The following FLRT1 variants were observed in gnomAD, a reference collection of about 807,000 sequenced individuals.
The protein encoded by FLRT1 is fibronectin leucine rich transmembrane protein 1.
In FLRT1, 14 loss-of-function variants were observed where a neutral mutation model predicts 30.9. That is an observed-to-expected ratio of 0.45 (90% CI 0.30 to 0.71). The LOEUF (loss-of-function observed/expected upper bound fraction) is 0.71, where lower values mean the gene tolerates loss of function less well. Among genes scored for constraint, FLRT1 ranks in the 30% least tolerant of loss-of-function variants. The pLI is 0.08. For synonymous variants in FLRT1, 368 were observed against 430.4 expected (o/e 0.85, Z 1.80); for missense variants, 737 against 949.2 (o/e 0.78, Z 2.94).
intron 1 of FLRT1, among the ~76,000 whole-genome samples, chr11:64,091,514 G>A (rs1414069142): frequency 6.6e-6 from 1 of 151,978 alleles, no homozygotes; most frequent in Non-Finnish European, 1.5e-5. Flanking sequence ...TGGGGTTGGT[G>A]GGTTACAACA....
At chr11:64,043,028 G>A (rs528339109) in intron 1 of FLRT1, among the ~76,000 whole-genome samples, 1 of 152,352 alleles carries the variant, frequency 6.6e-6, no homozygotes, top group South Asian at 2.1e-4. Flanking sequence ...AAGCTCTGGA[G>A]TCGATGAACT....
chr11:64,036,751 G>C lies in FLRT1; in HGVS notation c.-1038+592G>C, dbSNP rs1252499806. ...CAGCCCTGAGCCGGGCGGGGGCTGG[G>C]GCCGTACACCTGGCGGCTGGAACGG... On this transcript the variant is annotated intron_variant, in intron 1 of 2. Transcript: ENST00000682287. This position sits in a 1 kb window ranked among gnomAD's most constrained non-coding sequence, Gnocchi z 5.6. 6.6e-6 allele frequency among the ~76,000 whole-genome samples: 1 copy of C among 152,232 alleles called. No homozygotes were observed. The highest frequency in any genetic ancestry group is 1.5e-5 in the Non-Finnish European group (1 of 68,038).
intron 1 of FLRT1, among the ~76,000 whole-genome samples, chr11:64,076,108 C>G (rs949608132): frequency 6.6e-6 from 1 of 152,230 alleles, no homozygotes; most frequent in Non-Finnish European, 1.5e-5. Context: ...CTCCCTCAAG[C>G]ACAGGCTGGC....
intron 1 of FLRT1, among the ~76,000 whole-genome samples, chr11:64,083,984 A>T (rs1944348523): frequency 7.1e-6 from 1 of 140,420 alleles, no homozygotes; most frequent in Non-Finnish European, 1.6e-5. Flanking sequence ...TCATTTACAC[A>T]ACTGGAACAC....
intron 1 of FLRT1, among the ~76,000 whole-genome samples, chr11:64,059,349 C>T (rs746230799): frequency 1.4e-4 from 21 of 152,274 alleles, no homozygotes; most frequent in Non-Finnish European, 2.6e-4. Flanking sequence ...GGAGGCGTTG[C>T]GGGCTTATCC....
intron 1 of FLRT1, among the ~76,000 whole-genome samples, chr11:64,074,562 T>C (rs939013745): frequency 5.9e-5 from 9 of 152,206 alleles, no homozygotes; most frequent in African/African-American, 1.7e-4. Context: ...GCAATTCCGA[T>C]GTCACCTCCA....
At chr11:64,042,875 G>T (rs1280620121) in intron 1 of FLRT1, among the ~76,000 whole-genome samples, 1 of 152,196 alleles carries the variant, frequency 6.6e-6, no homozygotes, top group Admixed American at 6.5e-5. Flanking sequence ...AGTTTCCAGG[G>T]GCTTCTGGCT....
intron 1 of FLRT1, among the ~76,000 whole-genome samples, chr11:64,038,386 G>C (rs1943423447): frequency 6.6e-6 from 1 of 152,240 alleles, no homozygotes; most frequent in African/African-American, 2.4e-5. Context: ...TGTGGGTGCA[G>C]GGAAGGGCAG....
chr11:64,072,089 C>A (rs746282068), intron 1 of FLRT1, among the ~76,000 whole-genome samples: 8 of 152,250 alleles, frequency 5.3e-5, no homozygotes, highest in Non-Finnish European at 8.8e-5. Context: ...CGAATCGAAT[C>A]GACTGCTGAA....
chr11:64,080,971 G>A (rs1944292225), intron 1 of FLRT1, among the ~76,000 whole-genome samples: 1 of 152,176 alleles, frequency 6.6e-6, no homozygotes, highest in Non-Finnish European at 1.5e-5. Flanking sequence ...TGACATTGTT[G>A]AAGTCTGTTT....
chr11:64,096,159 C>T lies in FLRT1; in HGVS notation c.-1037-7035C>T, dbSNP rs561006998. On this transcript the variant is annotated intron_variant, in intron 1 of 2. Coordinates refer to ENST00000682287, the MANE Select transcript of FLRT1 (RefSeq NM_013280.5). This position sits in a 1 kb window ranked among gnomAD's most constrained non-coding sequence, Gnocchi z 4.6. ...AGGCCAGGAGGGGACCAGGGCTGCC[C>T]GCCGGCTCCACCACCTGCCTTGGCC... Among the ~76,000 whole-genome samples, 26 of 152,386 alleles carry T rather than the reference C, an allele frequency of 1.7e-4. No homozygotes were observed. In the South Asian group the frequency reaches 5.0e-3, roughly 29 times the overall value.
At chr11:64,088,363 T>C (rs973505317) in intron 1 of FLRT1, among the ~76,000 whole-genome samples, 1 of 151,712 alleles carries the variant, frequency 6.6e-6, no homozygotes, top group African/African-American at 2.4e-5. Context: ...AGTGGGGCCT[T>C]GGGCGTGACT....
Position 64,036,705 on chromosome 11 carries a change from C to T in FLRT1, c.-1038+546C>T, listed in dbSNP as rs919502992. ...GCATGAGCAGCCTCCAACTTCCCTC[C>T]CTGTGCGCGCTGTGGACCGTCAGCC... On this transcript the variant is annotated intron_variant, in intron 1 of 2. Coordinates refer to ENST00000682287, the MANE Select transcript of FLRT1 (RefSeq NM_013280.5). This position sits in a 1 kb window ranked among gnomAD's most constrained non-coding sequence, Gnocchi z 5.6. Among the ~76,000 whole-genome samples, 3 of 152,132 alleles carry T rather than the reference C, an allele frequency of 2.0e-5. No homozygotes were observed. The highest frequency in any genetic ancestry group is 4.4e-5 in the Non-Finnish European group (3 of 68,014).
At position 64,096,005 on chromosome 11, in the gene FLRT1, G is replaced by A. The variant is rs997115675; in HGVS notation, c.-1037-7189G>A. Among the ~76,000 whole-genome samples the A allele has an allele frequency of 6.6e-6, 1 of 152,232 alleles. No homozygotes were observed. Among genetic ancestry groups the A allele is most frequent in the Non-Finnish European group, 1.5e-5 (1 of 68,034 alleles). On this transcript the variant is annotated intron_variant, in intron 1 of 2. Transcript: ENST00000682287. This position sits in a 1 kb window ranked among gnomAD's most constrained non-coding sequence, Gnocchi z 4.6. Reference sequence around the variant, plus strand: ...CCCCCAGGGGCCCATGAGCCTGCAGGATATGTCGCGCTGCAGCCAGCACAG... The same window carrying A: ...CCCCCAGGGGCCCATGAGCCTGCAGAATATGTCGCGCTGCAGCCAGCACAG...
intron 1 of FLRT1, among the ~76,000 whole-genome samples, chr11:64,052,852 G>C (rs949974456): frequency 6.6e-6 from 1 of 152,162 alleles, no homozygotes. Flanking sequence ...GGTGCCAGCA[G>C]CTTTAATTAT....
chr11:64,088,387 G>A (rs76672095), intron 1 of FLRT1, among the ~76,000 whole-genome samples: 4,121 of 152,260 alleles, frequency 0.027, 70 homozygotes, highest in Middle Eastern at 0.068. Flanking sequence ...TGCGGGCCTC[G>A]GGGTCCTCAC....
At chr11:64,045,557 T>C (rs1943569070) in intron 1 of FLRT1, among the ~76,000 whole-genome samples, 2 of 152,096 alleles carry the variant, frequency 1.3e-5, no homozygotes, top group Non-Finnish European at 2.9e-5. Flanking sequence ...GGACCCAATT[T>C]GGTAGGTAGG....
intron 1 of FLRT1, among the ~76,000 whole-genome samples, chr11:64,091,304 C>T (rs1368133728): frequency 1.3e-5 from 2 of 152,044 alleles, no homozygotes; most frequent in Admixed American, 6.5e-5. Flanking sequence ...TCATCACTCA[C>T]GTAGCTGATT....
At chr11:64,060,671 C>T (rs1368532907) in intron 1 of FLRT1, 5 of 144,046 alleles carry the variant, frequency 3.5e-5, no homozygotes, top group Non-Finnish European at 3.0e-5. Context: ...GTCTGCGCTT[C>T]TCTTTAGTTC....
Sources: gnomAD v4.1 joint callset for allele counts (sites outside exome capture counted in the v4.1 genomes callset) on GRCh38, gnomAD v4.1.1 for gene constraint, Gnocchi (gnomAD v3.1) non-coding constraint, MANE v1.5 for transcripts, NCBI Gene and HGNC (gene_info 2026-07-23, HGNC 2026-07-21) for gene names.